The following RARB variants were observed in gnomAD, a reference collection of about 807,000 sequenced individuals.
The protein encoded by RARB is retinoic acid receptor beta, also known as HBV-activated protein.
Under a neutral mutation model 51.9 loss-of-function variants are expected in RARB, and 17 were observed. The observed-to-expected ratio is 0.33, with a 90% confidence interval of 0.22 to 0.49. The LOEUF (loss-of-function observed/expected upper bound fraction) is 0.49. Among genes scored for constraint, RARB ranks in the 20% least tolerant of loss-of-function variants. The pLI is 0.99. For synonymous variants in RARB, 215 were observed against 195.4 expected (o/e 1.10, Z -0.84); for missense variants, 369 against 550.8 (o/e 0.67, Z 3.30).
chr3:25,202,031 C>T (rs1312915680), intron 5 of RARB, among the ~76,000 whole-genome samples: 1 of 152,090 alleles, frequency 6.6e-6, no homozygotes, highest in East Asian at 1.9e-4. Context: ...TCCTTGTATC[C>T]TGGTGGAATT....
intron 2 of RARB, among the ~76,000 whole-genome samples, chr3:24,904,743 C>T (rs1385600104): frequency 1.3e-5 from 2 of 152,138 alleles, no homozygotes; most frequent in African/African-American, 4.8e-5. Flanking sequence ...TTCACAATAG[C>T]AAAAACTTGG....
intron 2 of RARB, among the ~76,000 whole-genome samples, chr3:24,940,161 G>C (rs1182540268): frequency 6.6e-6 from 1 of 152,120 alleles, no homozygotes; most frequent in Non-Finnish European, 1.5e-5. Flanking sequence ...AAATGGTGGC[G>C]GTGGTCTGTG....
intron 2 of RARB, among the ~76,000 whole-genome samples, chr3:24,901,425 G>T (rs1337763452): frequency 6.6e-6 from 1 of 151,992 alleles, no homozygotes; most frequent in Non-Finnish European, 1.5e-5. Context: ...TTACTTTTTT[G>T]AGACAGGACC....
chr3:25,416,594 G>A (rs1707710419), intron 5 of RARB, among the ~76,000 whole-genome samples: 2 of 152,190 alleles, frequency 1.3e-5, no homozygotes, highest in Admixed American at 1.3e-4. Flanking sequence ...TTTCAGCTTT[G>A]TGGGCCATAC....
chr3:24,835,337 GT>G (rs1020572220), intron 1 of RARB, among the ~76,000 whole-genome samples: 5 of 152,156 alleles, frequency 3.3e-5, no homozygotes, highest in African/African-American at 1.2e-4. Context: ...CAATACTGTT[GT>G]TTTTACAAGC....
chr3:25,351,343 G>C (rs892298591), intron 5 of RARB, among the ~76,000 whole-genome samples: 3 of 151,578 alleles, frequency 2.0e-5, no homozygotes, highest in Non-Finnish European at 4.4e-5. Flanking sequence ...TGAAAATTCG[G>C]TATAATTTGT....
chr3:24,906,744 C>T (rs1022188479), intron 2 of RARB, among the ~76,000 whole-genome samples: 5 of 147,634 alleles, frequency 3.4e-5, no homozygotes, highest in Non-Finnish European at 7.4e-5. Flanking sequence ...ACTTGGGAAG[C>T]TGAGGAAGGG....
chr3:25,200,400 C>G (rs1005404056), intron 5 of RARB, among the ~76,000 whole-genome samples: 1 of 151,948 alleles, frequency 6.6e-6, no homozygotes, highest in Non-Finnish European at 1.5e-5. Context: ...GTTGCCTGTT[C>G]ACTCTGATGG....
intron 2 of RARB, among the ~76,000 whole-genome samples, chr3:25,487,365 G>A (rs1696523503): frequency 1.3e-5 from 2 of 152,026 alleles, no homozygotes; most frequent in South Asian, 4.1e-4. Flanking sequence ...AAGCAGATAA[G>A]GTATCAACAC....
At chr3:25,504,143 C>A (rs1266591483) in intron 3 of RARB, among the ~76,000 whole-genome samples, 1 of 152,228 alleles carries the variant, frequency 6.6e-6, no homozygotes, top group African/African-American at 2.4e-5. Flanking sequence ...CAACTCTACG[C>A]ATGTCACTGA....
At chr3:25,303,851 G>T (rs933054982) in intron 5 of RARB, among the ~76,000 whole-genome samples, 2 of 152,128 alleles carry the variant, frequency 1.3e-5, no homozygotes, top group Non-Finnish European at 2.9e-5. Context: ...ATTGCAAATT[G>T]CAGAGTCCAG....
intron 5 of RARB, among the ~76,000 whole-genome samples, chr3:25,396,349 C>T (rs1238161484): frequency 6.6e-6 from 1 of 152,140 alleles, no homozygotes; most frequent in African/African-American, 2.4e-5. Context: ...TTGTACTAGC[C>T]GTGGAGTTGT....
intron 5 of RARB, among the ~76,000 whole-genome samples, chr3:25,411,010 C>G (rs889182586): frequency 5.9e-5 from 9 of 152,234 alleles, no homozygotes; most frequent in African/African-American, 2.2e-4. Context: ...TTCTTTAAAT[C>G]AGTGGATTCC....
intron 1 of RARB, among the ~76,000 whole-genome samples, chr3:25,442,723 C>T (rs1005272781): frequency 6.6e-6 from 1 of 152,048 alleles, no homozygotes; most frequent in Non-Finnish European, 1.5e-5. Context: ...CTGGGTGGAA[C>T]TATTTTTCCT....
At position 24,832,652 on chromosome 3, in the gene RARB, A is replaced by ATATATATATATATATATATATATATATAT. The variant is rs1491520085; in HGVS notation, c.-459+3250_-459+3251insATATATATATATATATATATATATATATT. On this transcript the variant is annotated intron_variant, in intron 1 of 11. Coordinates refer to the RARB transcript ENST00000383772. ...CAATATATATATATATATATATATA[A>ATATATATATATATATATATATATATATAT]TGTCAATTAAAAATGAAATTCTTAA... Among the ~76,000 whole-genome samples the ATATATATATATATATATATATATATATAT allele has an allele frequency of 8.5e-4, 52 of 61,040 alleles. 2 individuals carry two copies. The highest frequency in any genetic ancestry group is 4.6e-3 in the African/African-American group (48 of 10,536). The allele number at this position is 61,040 out of a possible 152,430, so 40.0% of individuals were successfully genotyped here.
intron 2 of RARB, among the ~76,000 whole-genome samples, chr3:25,014,487 C>T (rs185010588): frequency 7.3e-4 from 111 of 152,198 alleles, no homozygotes; most frequent in Non-Finnish European, 2.4e-4. Context: ...AAATGACTGG[C>T]AGCGTACAGA....
intron 5 of RARB, among the ~76,000 whole-genome samples, chr3:25,286,324 G>A (rs543443275): frequency 4.0e-4 from 61 of 152,112 alleles, no homozygotes; most frequent in Non-Finnish European, 6.6e-4. Context: ...TCCTGACCTC[G>A]TGATCCACCC....
At chr3:25,449,383 C>T (rs1192081896) in intron 1 of RARB, among the ~76,000 whole-genome samples, 1 of 131,722 alleles carries the variant, frequency 7.6e-6, no homozygotes, top group African/African-American at 3.2e-5. Context: ...GGAAAGAAAA[C>T]AGGGCATTAT....
In RARB at chr3:25,445,130, A is replaced by G. The variant is rs376212524; in HGVS notation, c.158-16063A>G. On this transcript the variant is annotated intron_variant, in intron 1 of 7. Coordinates refer to ENST00000330688, the MANE Select transcript of RARB (RefSeq NM_000965.5). ...ACACCTGGCTAATTTTTTGTATTTT[A>G]GTAGAGACGGAATTTCACTGTGTTG... Among the ~76,000 whole-genome samples the G allele has an allele frequency of 2.8e-4, 43 of 152,006 alleles. 1 individual carries two copies. The South Asian group carries it at 8.5e-3, about 30-fold the overall frequency.
Sources: allele counts gnomAD v4.1 joint callset (sites outside exome capture counted in the v4.1 genomes callset), GRCh38; gene constraint gnomAD v4.1.1; transcripts MANE v1.5; gene names NCBI Gene and HGNC (gene_info 2026-07-23, HGNC 2026-07-21).